Variants in ABCA10 observed in about 807,000 individuals in gnomAD.
ABCA10 encodes ATP-binding cassette sub-family A member 10.
ABCA10 carries 169 observed loss-of-function variants against 187.5 expected under a neutral mutation model. That is an observed-to-expected ratio of 0.90 (90% CI 0.80 to 1.02). The LOEUF is 1.02. Among genes scored for constraint, ABCA10 ranks in the 50% least tolerant of loss-of-function variants. The pLI, the probability that ABCA10 is intolerant of heterozygous loss-of-function variation, is 0.00. For missense variants in ABCA10, 1,727 were observed against 1,812.4 expected (o/e 0.95, Z 0.86); for synonymous variants, 574 against 601.8 (o/e 0.95, Z 0.68).
intron 9 of ABCA10, among the ~76,000 whole-genome samples, chr17:69,204,316 GT>G (rs1288455225): frequency 6.6e-6 from 1 of 152,008 alleles, no homozygotes; most frequent in Non-Finnish European, 1.5e-5. Flanking sequence ...CTGGATAACT[GT>G]TGTCAAATAG....
At position 69,201,482 on chromosome 17, in the gene ABCA10, A is replaced by G. The variant is rs1413801570; in HGVS notation, c.1175+18T>C. The G allele has an allele frequency of 3.9e-6, 6 of 1,554,504 alleles. No individual in the cohort carries two copies. The highest frequency in any genetic ancestry group is 5.2e-6 in the Non-Finnish European group (6 of 1,155,574). Reference sequence around the variant, plus strand: ...CTTTTACCTATAAGTGTACATAGTCATGTAATTTCTTAGTTACCTTATGGC... The same window carrying G: ...CTTTTACCTATAAGTGTACATAGTCGTGTAATTTCTTAGTTACCTTATGGC... On this transcript the variant is annotated intron_variant, in intron 10 of 38. Transcript: ENST00000690296.
chr17:69,225,256 T>C (rs185803880), intron 3 of ABCA10, 69 bp downstream of exon 3: 1 of 1,561,364 alleles, frequency 6.4e-7, no homozygotes, highest in African/African-American at 1.4e-5. Flanking sequence ...GGTAAGTAAA[T>C]TCAACCTGCA....
chr17:69,182,618 C>T (rs578205758), intron 21 of ABCA10, 57 bp downstream of exon 21: 34 of 1,505,078 alleles, frequency 2.3e-5, no homozygotes, highest in African/African-American at 1.6e-4. Flanking sequence ...AGTATTAGGA[C>T]GTGGCAAAAA....
At chr17:69,224,077 C>T (rs2074774111) in intron 3 of ABCA10, among the ~76,000 whole-genome samples, 1 of 152,020 alleles carries the variant, frequency 6.6e-6, no homozygotes, top group Admixed American at 6.6e-5. Flanking sequence ...GTAAGGGAGG[C>T]CCACCAAAGT....
At chr17:69,163,895 T>A (rs923620028) in intron 27 of ABCA10, among the ~76,000 whole-genome samples, 179 bp downstream of exon 27, 1 of 152,204 alleles carries the variant, frequency 6.6e-6, no homozygotes, top group African/African-American at 2.4e-5. Context: ...TAGTATGTAT[T>A]ATATTATCTG....
upstream of ABCA10, among the ~76,000 whole-genome samples, chr17:69,231,304 T>G (rs547625099): frequency 2.6e-4 from 39 of 152,294 alleles, no homozygotes; most frequent in African/African-American, 9.4e-4. Context: ...TCTCTTTCAT[T>G]CTACTAATTT....
chr17:69,227,834 T>C (rs2144855688), intron 1 of ABCA10, among the ~76,000 whole-genome samples: 1 of 152,044 alleles, frequency 6.6e-6, no homozygotes, highest in South Asian at 2.1e-4. Context: ...AATTCCTCTT[T>C]TTTAAATCTC....
intron 6 of ABCA10, among the ~76,000 whole-genome samples, chr17:69,218,722 A>G (rs1214883738): frequency 1.3e-5 from 2 of 152,176 alleles, no homozygotes; most frequent in Non-Finnish European, 2.9e-5. Flanking sequence ...GCACTAACAA[A>G]CACCGAACAC....
In ABCA10 at chr17:69,210,847, C is replaced by CACATATATATAT. The variant is rs1169352704; in HGVS notation, c.1006+3856_1006+3857insATATATATATGT. On this transcript the variant is annotated intron_variant, in intron 9 of 38. Transcript: ENST00000690296. ...ATATATATGCCACATATTTATGCCACATATATATATATATATATGCCATAT... is the reference window on the plus strand; with the variant it reads ...ATATATATGCCACATATTTATGCCACACATATATATATATATATATATATATATATGCCATAT... 3.7e-4 allele frequency among the ~76,000 whole-genome samples: 14 copies of CACATATATATAT among 37,890 alleles called. 1 individual carries two copies. Among genetic ancestry groups the CACATATATATAT allele is most frequent in the African/African-American group, 8.1e-4 (14 of 17,362 alleles). The allele number at this position is 37,890 out of a possible 152,430, so 24.9% of individuals were successfully genotyped here.
At chr17:69,173,597 A>G (rs901258864) in intron 25 of ABCA10, among the ~76,000 whole-genome samples, 2 of 152,132 alleles carry the variant, frequency 1.3e-5, no homozygotes, top group South Asian at 4.1e-4. Context: ...GCCTGGGGAG[A>G]GAGTTTTACA....
chr17:69,167,826 T>C (rs181251878), intron 25 of ABCA10, among the ~76,000 whole-genome samples: 2 of 152,236 alleles, frequency 1.3e-5, no homozygotes, highest in Non-Finnish European at 2.9e-5. Flanking sequence ...GGATTGGAGC[T>C]ATATGGAGAT....
Position 69,192,641 on chromosome 17 carries a change from A to T in ABCA10, c.1793T>A (p.Phe598Tyr). The change falls in exon 16 of 39, where the codon TTT becomes TAT. Residue 598 changes from phenylalanine to tyrosine, a missense_variant. Phe to Tyr is a conservative substitution (Grantham distance 22). Transcript: ENST00000690296. ...EADILADRKV[F>Y]LSNGKLKCAG... is the part of the protein sequence containing the mutation. ...ACATTTCAACTTCCCATTAGACAGAAATACTTTCCTATCTGAGTAGAAAGG... is the reference window on the plus strand; with the variant it reads ...ACATTTCAACTTCCCATTAGACAGATATACTTTCCTATCTGAGTAGAAAGG... 6.2e-7 allele frequency: 1 copy of T among 1,612,882 alleles called. No homozygotes were observed. Among genetic ancestry groups the T allele is most frequent in the Non-Finnish European group, 8.5e-7 (1 of 1,179,534 alleles).
intron 2 of ABCA10, among the ~76,000 whole-genome samples, chr17:69,226,863 CATTA>C: frequency 6.6e-6 from 1 of 151,952 alleles, no homozygotes; most frequent in East Asian, 1.9e-4. Context: ...GATTTGAATG[CATTA>C]ATTATGTGGA....
chr17:69,227,068 A>G (rs2074799469), intron 2 of ABCA10, 77 bp downstream of exon 2: 1 of 149,976 alleles, frequency 6.7e-6, no homozygotes, highest in Admixed American at 6.7e-5. Flanking sequence ...GAAAAGTAAT[A>G]AAAATGGCAT....
At chr17:69,237,162 C>G (rs143904587) in intron 1 of ABCA10, among the ~76,000 whole-genome samples, 3 of 152,258 alleles carry the variant, frequency 2.0e-5, no homozygotes, top group African/African-American at 4.8e-5. Context: ...ACAAGTCTTA[C>G]GTTCTATGAA....
rs558549905 is a variant in ABCA10, at chr17:69,192,193, G to A, written c.1871+370C>T. ...CAAAAAATTAGCTGGGCATGGTGGCGCATGCCTGTAATCCCAGCTATTCGG... is the reference window on the plus strand; with the variant it reads ...CAAAAAATTAGCTGGGCATGGTGGCACATGCCTGTAATCCCAGCTATTCGG... On this transcript the variant is annotated intron_variant, in intron 16 of 38. Coordinates refer to ENST00000690296, the MANE Select transcript of ABCA10 (RefSeq NM_001377321.1). 7.2e-5 allele frequency among the ~76,000 whole-genome samples: 11 copies of A among 152,084 alleles called. No individual in the cohort carries two copies. In the South Asian group the frequency reaches 2.1e-3, roughly 29 times the overall value.
At chr17:69,205,856 T>G (rs1237528582) in intron 9 of ABCA10, among the ~76,000 whole-genome samples, 1 of 152,202 alleles carries the variant, frequency 6.6e-6, no homozygotes, top group Non-Finnish European at 1.5e-5. Flanking sequence ...ATGAAAATGT[T>G]GCCTATTAAA....
At chr17:69,169,892 G>C (rs577455045) in intron 25 of ABCA10, among the ~76,000 whole-genome samples, 1 of 152,278 alleles carries the variant, frequency 6.6e-6, no homozygotes, top group South Asian at 2.1e-4. Context: ...GTATACTTCA[G>C]AATCTCCTCA....
intron 22 of ABCA10, among the ~76,000 whole-genome samples, chr17:69,179,645 T>C (rs1202511149): frequency 5.3e-5 from 8 of 152,190 alleles, no homozygotes; most frequent in African/African-American, 1.7e-4. Flanking sequence ...AGGTACCCTC[T>C]ATCAGACTGC....
Sources: allele counts gnomAD v4.1 joint callset (sites outside exome capture counted in the v4.1 genomes callset), GRCh38; gene constraint gnomAD v4.1.1; transcripts MANE v1.5; gene names NCBI Gene and HGNC (gene_info 2026-07-23, HGNC 2026-07-21).